INTS2: variants seen among roughly 807,000 people sequenced by gnomAD.
INTS2 encodes KIAA1287.
INTS2 carries 57 observed loss-of-function variants against 139.6 expected under a neutral mutation model. The ratio of observed to expected loss-of-function variants is 0.41; its 90% CI spans 0.33 to 0.51. The LOEUF (loss-of-function observed/expected upper bound fraction) is 0.51, where lower values mean the gene tolerates loss of function less well. Among genes scored for constraint, INTS2 ranks in the 20% least tolerant of loss-of-function variants. The probability of loss-of-function intolerance (pLI) is 0.28; values close to 1 mark genes in which losing one functional copy is unlikely to be tolerated. For missense variants in INTS2, 1,196 were observed against 1,436.7 expected (o/e 0.83, Z 2.71); for synonymous variants, 473 against 493.4 (o/e 0.96, Z 0.55).
chr17:61,869,368 C>A lies in INTS2; in HGVS notation c.3043G>T (p.Glu1015Ter). Residue 1015 changes from glutamate to a stop codon, truncating the protein, a stop_gained, in exon 22 of 25, where the codon GAA becomes TAA. Transcript: ENST00000251334. LOFTEE classifies it high-confidence loss of function. The surrounding 1 kb of genome is among the most constrained non-coding windows in gnomAD (Gnocchi z 5.4). ...CCTGCGACCGTCAGAGGCAAAAGTT[C>A]ACATGGATAACCCTATCTCAACAAG... ...KLVHFQGYPCELLPLTVAGIP... is the reference protein window; with the variant it reads ...KLVHFQGYPC The A allele has an allele frequency of 6.3e-7, 1 of 1,599,416 alleles. No homozygotes were observed. The highest frequency in any genetic ancestry group is 8.5e-7 in the Non-Finnish European group (1 of 1,171,498).
At chr17:61,923,613 TTAAC>T (rs763407166) in intron 3 of INTS2, among the ~76,000 whole-genome samples, 41 of 152,210 alleles carry the variant, frequency 2.7e-4, no homozygotes, top group Admixed American at 5.9e-4. Context: ...TTACTATAAA[TTAAC>T]TGACTCCCCA....
At chr17:61,918,792 G>C (rs528019426) in intron 5 of INTS2, among the ~76,000 whole-genome samples, 1 of 152,028 alleles carries the variant, frequency 6.6e-6, no homozygotes, top group Non-Finnish European at 1.5e-5. Context: ...CAGCAGTAGG[G>C]CTAAAAAACA....
chr17:61,913,131 A>T (rs1033534809), intron 5 of INTS2, among the ~76,000 whole-genome samples: 2 of 152,026 alleles, frequency 1.3e-5, no homozygotes, highest in Non-Finnish European at 2.9e-5. Flanking sequence ...TGAGGCCAGG[A>T]GTTCAAGATC....
At chr17:61,912,889 A>G (rs544030963) in intron 5 of INTS2, among the ~76,000 whole-genome samples, 1 of 152,196 alleles carries the variant, frequency 6.6e-6, no homozygotes, top group East Asian at 1.9e-4. Flanking sequence ...CAGCCTGGCC[A>G]ATATGGTGAA....
chr17:61,876,695 G>A lies in INTS2; in HGVS notation c.2456+1192C>T, dbSNP rs372611740. On this transcript the variant is annotated intron_variant, in intron 18 of 24. Coordinates refer to ENST00000251334, the MANE Select transcript of INTS2 (RefSeq NM_001351695.2). The surrounding 1 kb of genome is among the most constrained non-coding windows in gnomAD (Gnocchi z 4.1). ...TGAGCTCAGGTGATCCGTCCACCTC[G>A]GCCTCCCAAAGTGCTAAGATTACAG... 2.0e-5 allele frequency among the ~76,000 whole-genome samples: 3 copies of A among 152,010 alleles called. No homozygotes were observed. The highest frequency in any genetic ancestry group is 1.9e-4 in the East Asian group (1 of 5,164).
chr17:61,911,404 A>T, intron 7 of INTS2, 116 bp downstream of exon 7: 1 of 827,960 alleles, frequency 1.2e-6, no homozygotes, highest in African/African-American at 1.8e-5. Context: ...AGGTCCCTGA[A>T]ACTAGAAAGT....
chr17:61,911,532 TC>T lies in INTS2; in HGVS notation c.941del (p.Arg314GlnfsTer18). 6.2e-7 allele frequency: 1 copy of T among 1,613,982 alleles called. No individual in the cohort carries two copies. On this transcript the variant is annotated frameshift_variant, in exon 7 of 25. Coordinates refer to ENST00000251334, the MANE Select transcript of INTS2 (RefSeq NM_001351695.2). LOFTEE classifies it high-confidence loss of function. Reference protein sequence around the residue: ...KVRTWFGTFIRNGQQRKRETS... With the variant: ...KVRTWFGTFIXNGQQRKRETS... ...ATTTAACCCTCACCTGCTGTCCATTTCGGATAAAAGTTCCAAACCAAGTCCG... is the reference window on the plus strand; with the variant it reads ...ATTTAACCCTCACCTGCTGTCCATTTGGATAAAAGTTCCAAACCAAGTCCG...
At chr17:61,895,444 G>T in intron 11 of INTS2, 61 bp from the exon 12 acceptor site, 1 of 1,001,728 alleles carries the variant, frequency 1.0e-6, no homozygotes, top group African/African-American at 1.7e-5. Flanking sequence ...ATTTATTCTA[G>T]GGAACTTATC....
At chr17:61,900,963 A>G (rs1292049182) in intron 9 of INTS2, among the ~76,000 whole-genome samples, 1 of 150,914 alleles carries the variant, frequency 6.6e-6, no homozygotes, top group East Asian at 2.0e-4. Flanking sequence ...CAAAAATTAT[A>G]TTTATATATG....
chr17:61,926,181 A>T (rs1388542627), intron 2 of INTS2, among the ~76,000 whole-genome samples, 171 bp downstream of exon 2: 2 of 152,212 alleles, frequency 1.3e-5, no homozygotes, highest in African/African-American at 4.8e-5. Flanking sequence ...AACATTTTAT[A>T]ACATGGAAGT....
intron 19 of INTS2, chr17:61,874,084 T>G (rs1301318625): frequency 6.6e-6 from 1 of 152,210 alleles, no homozygotes; most frequent in East Asian, 1.9e-4. Flanking sequence ...CTCTTCTTTT[T>G]TTAAGTTTAA....
In INTS2 at chr17:61,921,841, A is replaced by C. The variant is rs749089000; in HGVS notation, c.433-14T>G. 5 of 1,312,438 alleles carry C rather than the reference A, an allele frequency of 3.8e-6. No individual in the cohort carries two copies. The highest frequency in any genetic ancestry group is 5.4e-6 in the Non-Finnish European group (5 of 932,182). The allele number at this position is 1,312,438 out of a possible 1,614,324, so 81.3% of individuals were successfully genotyped here. On this transcript the variant is annotated splice_polypyrimidine_tract_variant and intron_variant, in intron 3 of 24. Transcript: ENST00000251334. ...GGACTCAGACACCTTAAAAAAGAAA[A>C]AAAAAAGATATAAACTCTATTAATT...
intron 9 of INTS2, among the ~76,000 whole-genome samples, chr17:61,901,242 C>T (rs927010228): frequency 1.5e-4 from 22 of 151,412 alleles, no homozygotes; most frequent in African/African-American, 1.9e-4. Context: ...GAGTTTGCCC[C>T]GAGCAACAGA....
chr17:61,919,137 C>A (rs909868025), intron 5 of INTS2, among the ~76,000 whole-genome samples: 4 of 152,036 alleles, frequency 2.6e-5, no homozygotes, highest in Non-Finnish European at 5.9e-5. Context: ...AGTGGCCAGG[C>A]TGGTCTCAAA....
intron 5 of INTS2, 122 bp downstream of exon 5, chr17:61,919,278 A>C: frequency 3.3e-6 from 2 of 597,370 alleles, no homozygotes; most frequent in Admixed American, 6.0e-5. Flanking sequence ...ACATACTAAC[A>C]AACTTTCAAA....
chr17:61,880,002 T>C (rs559427743), intron 17 of INTS2, among the ~76,000 whole-genome samples: 11 of 152,312 alleles, frequency 7.2e-5, no homozygotes, highest in Non-Finnish European at 2.9e-5. Flanking sequence ...TTAACAGTGC[T>C]GATCTAGAAG....
intron 4 of INTS2, among the ~76,000 whole-genome samples, chr17:61,920,624 T>C (rs891323593): frequency 6.7e-6 from 1 of 149,972 alleles, no homozygotes; most frequent in Non-Finnish European, 1.5e-5. Context: ...GCCAACATGG[T>C]GAAACCTCGT....
Position 61,927,937 on chromosome 17 carries a change from T to A in INTS2, c.-302A>T. The A allele has an allele frequency of 1.2e-6, 2 of 1,613,926 alleles. No individual in the cohort carries two copies. Among genetic ancestry groups the A allele is most frequent in the Non-Finnish European group, 1.7e-6 (2 of 1,179,872 alleles). ...CTTTTTCAACCTGCACCCAGCACCT[T>A]CATTCATCCCCAGCGTCTGACTCCC... On this transcript the variant is annotated 5_prime_UTR_variant, in exon 1 of 25. An upstream open reading frame in the 5' UTR gains an earlier in-frame stop. Coordinates refer to ENST00000251334, the MANE Select transcript of INTS2 (RefSeq NM_001351695.2).
At position 61,875,777 on chromosome 17, in the gene INTS2, C is replaced by T. The variant is rs533548340; in HGVS notation, c.2457-739G>A. ...TAGGGATAAGGAGAAAAAAAATTTT[C>T]GAACTATTAATATCCTAAAAGAATA... On this transcript the variant is annotated intron_variant, in intron 18 of 24. Coordinates refer to ENST00000251334, the MANE Select transcript of INTS2 (RefSeq NM_001351695.2). This position sits in a 1 kb window ranked among gnomAD's most constrained non-coding sequence, Gnocchi z 4.6. 9.2e-5 allele frequency among the ~76,000 whole-genome samples: 14 copies of T among 151,962 alleles called. No homozygotes were observed. Among genetic ancestry groups the T allele is most frequent in the Non-Finnish European group, 1.0e-4 (7 of 67,974 alleles).
Sources: allele counts gnomAD v4.1 joint callset (sites outside exome capture counted in the v4.1 genomes callset), GRCh38; gene constraint gnomAD v4.1.1; non-coding constraint Gnocchi (gnomAD v3.1); transcripts MANE v1.5; gene names NCBI Gene and HGNC (gene_info 2026-07-23, HGNC 2026-07-21).